Variants in DNAH12 observed in about 807,000 individuals in gnomAD.
The protein encoded by DNAH12 is axonemal beta dynein heavy chain 12.
DNAH12 carries 285 observed loss-of-function variants against 371.5 expected under a neutral mutation model. The observed-to-expected ratio is 0.77, with a 90% CI of 0.70 to 0.85. DNAH12 has a LOEUF of 0.85. Ranked by LOEUF, DNAH12 falls within the 40% of genes least tolerant of loss-of-function variation. The pLI, the probability that DNAH12 is intolerant of heterozygous loss-of-function variation, is 0.00. For missense variants in DNAH12, 3,611 were observed against 3,689.4 expected (o/e 0.98, Z 0.55); for synonymous variants, 1,200 against 1,213.0 (o/e 0.99, Z 0.22).
rs768937449 is a variant in DNAH12, at chr3:57,334,815, C to T, written c.9800G>A (p.Arg3267Gln). The change falls in exon 61 of 74, where the codon CGG becomes CAG. Residue 3267 changes from arginine to glutamine, a missense_variant. Around this residue, in one of 3 missense-constraint regions of DNAH12, gnomAD observed 2,266 missense variants for 2,236.9 expected, o/e 1.01. Transcript: ENST00000495027. ...TCTGAAGGCAGGAAATTCACTTGCC[C>T]GACAGATTTCCTCCCAGCTTTTGTC... Reference protein sequence around the residue: ...LQDKSWEEICRASEFPAFRGL... With the variant: ...LQDKSWEEICQASEFPAFRGL... 1.5e-5 allele frequency: 24 copies of T among 1,551,602 alleles called. No homozygotes were observed. Among genetic ancestry groups the T allele is most frequent in the Non-Finnish European group, 1.7e-5 (20 of 1,147,016 alleles).
chr3:57,394,528 C>T (rs1232701280), intron 43 of DNAH12, among the ~76,000 whole-genome samples, 196 bp from the exon 44 acceptor site: 1 of 152,110 alleles, frequency 6.6e-6, no homozygotes, highest in East Asian at 1.9e-4. Context: ...TCAGAGTTTC[C>T]CCAAAACCCT....
intron 58 of DNAH12, among the ~76,000 whole-genome samples, chr3:57,361,397 G>GCACTATATATATACACACACA (rs2062925199): frequency 7.6e-6 from 1 of 132,302 alleles, no homozygotes; most frequent in Admixed American, 7.7e-5. Flanking sequence ...ATATACATAC[G>GCACTATATATATACACACACA]CACTATATAT....
chr3:57,512,320 A>G (rs2068029894), intron 4 of DNAH12: 1 of 152,190 alleles, frequency 6.6e-6, no homozygotes, highest in South Asian at 2.1e-4. Flanking sequence ...AGAAAACAAA[A>G]TAGTAGTTGC....
intron 45 of DNAH12, among the ~76,000 whole-genome samples, chr3:57,388,349 A>C (rs1325198292): frequency 2.0e-5 from 3 of 152,172 alleles, no homozygotes; most frequent in African/African-American, 7.2e-5. Context: ...GCATATCATT[A>C]ATCTTTATTT....
At chr3:57,535,163 T>C (rs1041648707) in intron 2 of DNAH12, among the ~76,000 whole-genome samples, 2 of 152,232 alleles carry the variant, frequency 1.3e-5, no homozygotes, top group African/African-American at 4.8e-5. Flanking sequence ...TGGCAGAGCC[T>C]ATAGTCTAAT....
Position 57,501,325 on chromosome 3 carries a change from G to T in DNAH12, c.1331C>A (p.Thr444Lys). Residue 444 changes from threonine (T) to lysine (K), a missense_variant, in exon 11 of 74, where the codon ACA becomes AAA. Coordinates refer to ENST00000495027, the MANE Select transcript of DNAH12 (RefSeq NM_001366028.2). ...AAAAACAGAATTACCGCTTACCTCTGTATATTCATCAAAAGTATGATCTTC... is the reference window on the plus strand; with the variant it reads ...AAAAACAGAATTACCGCTTACCTCTTTATATTCATCAAAAGTATGATCTTC... ...QTEDHTFDEY[T>K]EFIEKFLSLA... The T allele has an allele frequency of 6.2e-7, 1 of 1,601,184 alleles. No individual in the cohort carries two copies. The highest frequency in any genetic ancestry group is 8.5e-7 in the Non-Finnish European group (1 of 1,175,540).
At chr3:57,458,743 ACACT>A (rs1375012118) in intron 20 of DNAH12, among the ~76,000 whole-genome samples, 1 of 152,228 alleles carries the variant, frequency 6.6e-6, no homozygotes, top group Non-Finnish European at 1.5e-5. Flanking sequence ...TAGCACAGAC[ACACT>A]CATTCATTTA....
chr3:57,392,688 G>A (rs1045227706), intron 44 of DNAH12, among the ~76,000 whole-genome samples: 34 of 152,220 alleles, frequency 2.2e-4, no homozygotes, highest in African/African-American at 7.7e-4. Flanking sequence ...AAAGTTTTGC[G>A]ACAGTATATA....
At chr3:57,555,224 A>ATTT in the DNAH12 span, among the ~76,000 whole-genome samples, 12 of 151,828 alleles carry the variant, frequency 7.9e-5, no homozygotes, top group Non-Finnish European at 1.6e-4. Context: ...AGCTTGGGTG[A>ATTT]AAGAGCAAGG....
At chr3:57,449,699 C>G (rs945146779) in intron 25 of DNAH12, among the ~76,000 whole-genome samples, 12 of 152,310 alleles carry the variant, frequency 7.9e-5, no homozygotes, top group Admixed American at 3.9e-4. Flanking sequence ...AAGCGCCGCA[C>G]GCAGCCTTGG....
intron 34 of DNAH12, among the ~76,000 whole-genome samples, chr3:57,427,644 C>T (rs1418085365): frequency 6.6e-6 from 1 of 151,840 alleles, no homozygotes; most frequent in African/African-American, 2.4e-5. Flanking sequence ...GAACCAAGAT[C>T]GCTCCACTGC....
intron 11 of DNAH12, among the ~76,000 whole-genome samples, chr3:57,497,666 C>G (rs568686723): frequency 1.3e-5 from 2 of 152,174 alleles, no homozygotes; most frequent in East Asian, 3.9e-4. Flanking sequence ...TTTAGGAATT[C>G]TAAGAAAAGC....
chr3:57,476,114 A>G (rs1438595252), intron 13 of DNAH12, among the ~76,000 whole-genome samples: 1 of 152,232 alleles, frequency 6.6e-6, no homozygotes, highest in Non-Finnish European at 1.5e-5. Flanking sequence ...TTTAGGAACA[A>G]TGACATTACT....
chr3:57,447,975 A>T (rs2065577911), intron 25 of DNAH12, among the ~76,000 whole-genome samples: 1 of 152,156 alleles, frequency 6.6e-6, no homozygotes, highest in African/African-American at 2.4e-5. Flanking sequence ...ACACCTGGCC[A>T]ACCTATTTTA....
intron 62 of DNAH12, among the ~76,000 whole-genome samples, chr3:57,326,843 C>T (rs2061960300): frequency 6.6e-6 from 1 of 151,776 alleles, no homozygotes; most frequent in South Asian, 2.1e-4. Flanking sequence ...CACATAGGCT[C>T]AAAATAAAAG....
At position 57,375,502 on chromosome 3, in the gene DNAH12, C is replaced by T. The variant is rs1441658490; in HGVS notation, c.8628G>A (p.Pro2876=). The T allele has an allele frequency of 7.2e-5, 11 of 152,034 alleles. No homozygotes were observed. The highest frequency in any genetic ancestry group is 1.9e-4 in the East Asian group (1 of 5,194). 9.4% of individuals were successfully genotyped at this position (152,034 alleles called of 1,614,324 possible). The change falls in exon 55 of 74, where the codon CCG becomes CCA. Residue 2876 remains proline, a synonymous_variant. Coordinates refer to ENST00000495027, the MANE Select transcript of DNAH12 (RefSeq NM_001366028.2). ...TACTCAACAAGAACTCCTCTGAACA[C>T]GGGATTTTTTTCTTCTGTAAGAAAT... ...WSMLCKKKKI[P]CSEEFLLSKT... is the part of the protein sequence containing the mutation.
intron 2 of DNAH12, among the ~76,000 whole-genome samples, chr3:57,525,130 C>A (rs2068592373): frequency 7.1e-6 from 1 of 141,834 alleles, no homozygotes; most frequent in African/African-American, 2.6e-5. Flanking sequence ...AAAGGAGATA[C>A]CATCAGGTAG....
At chr3:57,458,311 T>A in intron 20 of DNAH12, 91 bp from the exon 21 acceptor site, 1 of 1,341,300 alleles carries the variant, frequency 7.5e-7, no homozygotes, top group African/African-American at 1.5e-5. Context: ...TAAAATCTTT[T>A]AATGTTAAAA....
chr3:57,299,352 A>G lies in DNAH12; in HGVS notation c.11395-2368T>C, dbSNP rs148399167. Among the ~76,000 whole-genome samples, 167 of 152,342 alleles carry G rather than the reference A, an allele frequency of 1.1e-3. 1 individual carries two copies. The highest frequency in any genetic ancestry group is 3.8e-3 in the African/African-American group (160 of 41,584). ...TGCATTGCCTCATTTACTCTATAAA[A>G]TAACAGTGAGTTGAATATTATTTCT... On this transcript the variant is annotated intron_variant, in intron 70 of 73. Coordinates refer to ENST00000495027, the MANE Select transcript of DNAH12 (RefSeq NM_001366028.2).
Sources: gnomAD v4.1 joint callset for allele counts (sites outside exome capture counted in the v4.1 genomes callset) on GRCh38, gnomAD v4.1.1 for gene constraint, gnomAD v4.1.1 regional missense constraint, MANE v1.5 for transcripts, NCBI Gene and HGNC (gene_info 2026-07-23, HGNC 2026-07-21) for gene names.